Variants in NLRP8 observed in about 807,000 individuals in gnomAD.
NLRP8 encodes NLR family pyrin domain containing 8, also known as NACHT, LRR and PYD domains-containing protein 8.
NLRP8 carries 86 observed loss-of-function variants against 88.7 expected under a neutral mutation model. The ratio of observed to expected loss-of-function variants is 0.97; its 90% CI spans 0.81 to 1.16. The LOEUF is 1.16. NLRP8 is among the 50% of genes most tolerant of loss of function. NLRP8 has a pLI of 0.00. For synonymous variants in NLRP8, 504 were observed against 494.6 expected, an observed-to-expected ratio of 1.02 and a Z score of -0.25; for missense variants, 1,342 against 1,286.5, an observed-to-expected ratio of 1.04 and a Z score of -0.66.
At chr19:55,972,533 G>A (rs924648487) in intron 6 of NLRP8, among the ~76,000 whole-genome samples, 2 of 151,682 alleles carry the variant, frequency 1.3e-5, no homozygotes, top group South Asian at 2.1e-4. Flanking sequence ...CCCAACATCC[G>A]AGCAGTGTAC....
chr19:55,959,670 A>C (rs1199312543), intron 3 of NLRP8, among the ~76,000 whole-genome samples: 1 of 152,222 alleles, frequency 6.6e-6, no homozygotes, highest in African/African-American at 2.4e-5. Flanking sequence ...AACCAGATGC[A>C]GATGAACTGG....
In NLRP8 at chr19:55,972,816, TGTGTGTGTGTGTGTGTGTGTGTGA is replaced by T. The variant is rs1335869960; in HGVS notation, c.2535-835_2535-812del. Among the ~76,000 whole-genome samples the T allele has an allele frequency of 6.4e-5, 7 of 109,832 alleles. No individual in the cohort carries two copies. The East Asian group carries it at 4.6e-3, about 73-fold the overall frequency. 72.1% of individuals were successfully genotyped at this position (109,832 alleles called of 152,430 possible). On this transcript the variant is annotated intron_variant, in intron 6 of 9. Transcript: ENST00000291971. The stretch of plus-strand genomic sequence containing the variant: ...GTGTGTGTGTGTGTGTGTATGTGTG[TGTGTGTGTGTGTGTGTGTGTGTGA>T]CATTTTCTTTATCCACTTGTTGTTT...
At chr19:55,976,376 A>G in intron 8 of NLRP8, 73 bp downstream of exon 8, 1 of 1,266,928 alleles carries the variant, frequency 7.9e-7, no homozygotes, top group Non-Finnish European at 1.1e-6. Flanking sequence ...TGGAATATAT[A>G]ACAGGAAAGG....
At chr19:55,971,389 C>A (rs1385717605) in intron 6 of NLRP8, among the ~76,000 whole-genome samples, 2 of 140,226 alleles carry the variant, frequency 1.4e-5, no homozygotes, top group Non-Finnish European at 3.0e-5. Flanking sequence ...TGCAGTGAGC[C>A]GAGATCGCAC....
In NLRP8 at chr19:55,979,368, G is replaced by A. The variant is rs775903169; in HGVS notation, c.2877-26G>A. Reference sequence around the variant, plus strand: ...GATGAGTTGTGATGACTTCTCTGCTGTCTGCTGTCTGTTTCTGTGTCACAG... The same window carrying A: ...GATGAGTTGTGATGACTTCTCTGCTATCTGCTGTCTGTTTCTGTGTCACAG... On this transcript the variant is annotated intron_variant, in intron 8 of 9. Coordinates refer to ENST00000291971, the MANE Select transcript of NLRP8 (RefSeq NM_176811.2). 2.5e-6 allele frequency: 4 copies of A among 1,611,778 alleles called. No individual in the cohort carries two copies. The African/African-American group carries it at 5.3e-5, about 22-fold the overall frequency.
At chr19:55,960,989 C>A (rs1019571130) in intron 3 of NLRP8, among the ~76,000 whole-genome samples, 1 of 150,928 alleles carries the variant, frequency 6.6e-6, no homozygotes, top group African/African-American at 2.4e-5. Flanking sequence ...GCAACCTCCG[C>A]CTCCCAGGTT....
chr19:55,985,896 G>A (rs1183324309), intron 9 of NLRP8, among the ~76,000 whole-genome samples: 1 of 152,124 alleles, frequency 6.6e-6, no homozygotes, highest in East Asian at 1.9e-4. Flanking sequence ...CACACCTGTA[G>A]TCCCAGCTTC....
chr19:55,973,798 T>C lies in NLRP8; in HGVS notation c.2681T>C (p.Leu894Pro). 2 of 1,613,698 alleles carry C rather than the reference T, an allele frequency of 1.2e-6. No homozygotes were observed. The highest frequency in any genetic ancestry group is 1.7e-6 in the Non-Finnish European group (2 of 1,179,752). The change falls in exon 7 of 10, where the codon CTG becomes CCG. Residue 894 changes from leucine to proline, a missense_variant. By Grantham distance (98) the Leu-to-Pro change is moderately conservative. Coordinates refer to ENST00000291971, the MANE Select transcript of NLRP8 (RefSeq NM_176811.2). ...CATATTTGGAATGCCCTGCCACACC[T>C]GAGATGTCCTCTGCAGAGGCTGGTG...
intron 6 of NLRP8, among the ~76,000 whole-genome samples, chr19:55,972,805 G>GTGTA (rs142274619): frequency 1.4e-5 from 1 of 72,620 alleles, no homozygotes; most frequent in African/African-American, 8.2e-5. Context: ...GTGTGTGTGT[G>GTGTA]TGTATGTGTG....
At chr19:55,949,151 A>T (rs1007793880) in intron 1 of NLRP8, among the ~76,000 whole-genome samples, 4 of 152,224 alleles carry the variant, frequency 2.6e-5, no homozygotes, top group African/African-American at 9.6e-5. Flanking sequence ...ATGATAGTAT[A>T]GTATTATAAT....
chr19:55,978,423 C>G (rs967981951), intron 8 of NLRP8, among the ~76,000 whole-genome samples: 1 of 151,990 alleles, frequency 6.6e-6, no homozygotes, highest in Non-Finnish European at 1.5e-5. Flanking sequence ...AAGAAAAGGA[C>G]TGTGGAGGCT....
At chr19:55,981,215 T>A (rs1160217104) in intron 9 of NLRP8, among the ~76,000 whole-genome samples, 57 bp downstream of exon 10, 1 of 116,290 alleles carries the variant, frequency 8.6e-6, no homozygotes, top group Non-Finnish European at 1.8e-5. Flanking sequence ...ACTGATCTGG[T>A]GGCCCTCTGG....
chr19:55,984,380 C>T (rs1422208616), intron 9 of NLRP8, among the ~76,000 whole-genome samples: 2 of 152,114 alleles, frequency 1.3e-5, no homozygotes, highest in African/African-American at 2.4e-5. Context: ...TGTGGCCGGG[C>T]GCAGTGGCTC....
chr19:55,986,915 C>A (rs1437874722), intron 9 of NLRP8, among the ~76,000 whole-genome samples: 1 of 152,186 alleles, frequency 6.6e-6, no homozygotes, highest in African/African-American at 2.4e-5. Flanking sequence ...GGTGCCCCCA[C>A]CCTCTCCCTT....
intron 9 of NLRP8, among the ~76,000 whole-genome samples, chr19:55,980,152 T>A (rs2123227495): frequency 6.6e-6 from 1 of 152,354 alleles, no homozygotes; most frequent in African/African-American, 2.4e-5. Flanking sequence ...ACAGCTGAGT[T>A]TGTTATCACT....
At chr19:55,975,863 T>A (rs1034056489) in intron 7 of NLRP8, among the ~76,000 whole-genome samples, 1 of 152,166 alleles carries the variant, frequency 6.6e-6, no homozygotes, top group African/African-American at 2.4e-5. Flanking sequence ...CTTACACAAA[T>A]ATTCTAAAAT....
intron 9 of NLRP8, among the ~76,000 whole-genome samples, chr19:55,984,519 T>G (rs1980717285): frequency 6.6e-6 from 1 of 150,852 alleles, no homozygotes; most frequent in Non-Finnish European, 1.5e-5. Context: ...CCAGGCGTGG[T>G]GGTGCATGCC....
intron 5 of NLRP8, 128 bp downstream of exon 5, chr19:55,966,508 A>G (rs1979850510): frequency 1.1e-6 from 1 of 949,858 alleles, no homozygotes; most frequent in Non-Finnish European, 1.5e-6. Context: ...TTCAACTTTA[A>G]AAGTACAATT....
intron 8 of NLRP8, 127 bp downstream of exon 8, chr19:55,976,430 AGAACT>A: frequency 3.8e-6 from 3 of 796,806 alleles, no homozygotes; most frequent in Non-Finnish European, 5.3e-6. Flanking sequence ...ATTGAATTGG[AGAACT>A]GGGAAGCTTC....
Sources: allele counts gnomAD v4.1 joint callset (sites outside exome capture counted in the v4.1 genomes callset), GRCh38; gene constraint gnomAD v4.1.1; transcripts MANE v1.5; gene names NCBI Gene and HGNC (gene_info 2026-07-23, HGNC 2026-07-21).